The following PMVK variants were observed in gnomAD, a reference collection of about 807,000 sequenced individuals.
The protein encoded by PMVK is phosphomevalonate kinase.
Under a neutral mutation model 19.0 loss-of-function variants are expected in PMVK, and 10 were observed. That is an observed-to-expected ratio of 0.53 (90% CI 0.32 to 0.89). The LOEUF (loss-of-function observed/expected upper bound fraction) is 0.89. Among genes scored for constraint, PMVK ranks in the 40% least tolerant of loss-of-function variants. PMVK has a pLI of 0.03. For missense variants in PMVK, 222 were observed against 251.1 expected (o/e 0.88, Z 0.78); for synonymous variants, 108 against 101.6 (o/e 1.06, Z -0.38).
upstream of PMVK, among the ~76,000 whole-genome samples, chr1:154,941,216 CAGA>C (rs1197103687): frequency 6.6e-6 from 1 of 152,214 alleles, no homozygotes; most frequent in Admixed American, 6.5e-5. Flanking sequence ...CAGGCCCAGC[CAGA>C]AGAACAGGTG....
chr1:154,938,433 T>G (rs1219521048), upstream of PMVK, among the ~76,000 whole-genome samples: 1 of 152,086 alleles, frequency 6.6e-6, no homozygotes, highest in Non-Finnish European at 1.5e-5. Flanking sequence ...CTACTAAAAA[T>G]ACAAAAATTA....
chr1:154,933,557 G>A (rs1306549968), intron 1 of PMVK, among the ~76,000 whole-genome samples: 1 of 126,360 alleles, frequency 7.9e-6, no homozygotes, highest in East Asian at 2.7e-4. Flanking sequence ...GCAATGGCGC[G>A]ATCTCGGCTC....
chr1:154,935,376 G>A (rs1031961035), intron 1 of PMVK, among the ~76,000 whole-genome samples: 20 of 152,158 alleles, frequency 1.3e-4, no homozygotes, highest in Admixed American at 6.5e-5. Flanking sequence ...TTCAAGAGGA[G>A]AGGAGCCCCA....
intron 1 of PMVK, 52 bp from the exon 2 acceptor site, chr1:154,932,467 C>T: frequency 7.4e-7 from 1 of 1,348,808 alleles, no homozygotes; most frequent in Non-Finnish European, 1.0e-6. Context: ...CCAGGAGCTT[C>T]CATGTCCCAG....
At chr1:154,930,772 G>C (rs1215221823) in intron 2 of PMVK, among the ~76,000 whole-genome samples, 1 of 152,018 alleles carries the variant, frequency 6.6e-6, no homozygotes, top group Admixed American at 6.6e-5. Flanking sequence ...TTTCATTTGG[G>C]AAAGAATCCT....
chr1:154,941,098 G>A (rs1045281233), upstream of PMVK, among the ~76,000 whole-genome samples: 5 of 152,236 alleles, frequency 3.3e-5, no homozygotes, highest in Non-Finnish European at 7.3e-5. Context: ...CAGCGGTGGA[G>A]ACCGCCACTC....
upstream of PMVK, chr1:154,936,936 G>A: frequency 2.0e-6 from 1 of 502,814 alleles, no homozygotes; most frequent in Non-Finnish European, 3.7e-6. Flanking sequence ...GCCTCCCCTC[G>A]TGAAGCTCCC....
intron 1 of PMVK, among the ~76,000 whole-genome samples, chr1:154,932,951 A>C (rs1157199400): frequency 6.6e-6 from 1 of 151,988 alleles, no homozygotes; most frequent in Non-Finnish European, 1.5e-5. Flanking sequence ...TCCACCAAAA[A>C]ATTTAAAAAT....
At chr1:154,939,742 C>T (rs1261733940), upstream of PMVK, among the ~76,000 whole-genome samples, 2 of 151,434 alleles carry the variant, frequency 1.3e-5, no homozygotes, top group Non-Finnish European at 2.9e-5. Context: ...GTTAATGATC[C>T]ACCTAGATGA....
chr1:154,931,135 C>T (rs910573579), intron 2 of PMVK, among the ~76,000 whole-genome samples: 3 of 152,158 alleles, frequency 2.0e-5, no homozygotes, highest in African/African-American at 7.2e-5. Flanking sequence ...CTTACAATTC[C>T]TCAGGCTGCC....
In PMVK at chr1:154,925,080, G is replaced by GCCCCCCCCC; in HGVS notation, c.*48_*49insGGGGGGGGG. On this transcript the variant is annotated 3_prime_UTR_variant, in exon 5 of 5. Transcript: ENST00000368467. ...GGGACACCCCCATTTTGCAGAGTCA[G>GCCCCCCCCC]CCCCACCCCCACCTCAGCAGGCCCC... is the stretch of plus-strand genomic sequence containing the variant. 13 of 1,459,198 alleles carry GCCCCCCCCC rather than the reference G, an allele frequency of 8.9e-6. No individual in the cohort carries two copies. Among genetic ancestry groups the GCCCCCCCCC allele is most frequent in the Admixed American group, 7.2e-5 (4 of 55,184 alleles). 90.4% of individuals were successfully genotyped at this position (1,459,198 alleles called of 1,614,324 possible).
At chr1:154,927,786 A>T (rs1004451167) in intron 3 of PMVK, among the ~76,000 whole-genome samples, 1 of 152,028 alleles carries the variant, frequency 6.6e-6, no homozygotes, top group Non-Finnish European at 1.5e-5. Context: ...CCATTCAGTT[A>T]TCCCTTATTT....
At chr1:154,940,595 C>T (rs1348077622), upstream of PMVK, among the ~76,000 whole-genome samples, 1 of 152,216 alleles carries the variant, frequency 6.6e-6, no homozygotes, top group Admixed American at 6.5e-5. Context: ...CCCCATTCTC[C>T]CATCTCTGAA....
intron 1 of PMVK, among the ~76,000 whole-genome samples, chr1:154,934,709 T>G (rs1654448111): frequency 6.6e-6 from 1 of 152,052 alleles, no homozygotes; most frequent in South Asian, 2.1e-4. Context: ...TTCACACACA[T>G]TATCTCATTT....
chr1:154,927,495 C>T (rs1654203263), intron 3 of PMVK, among the ~76,000 whole-genome samples: 1 of 151,482 alleles, frequency 6.6e-6, no homozygotes, highest in African/African-American at 2.4e-5. Flanking sequence ...AGTCCTCCAC[C>T]CGGCCCCTGT....
At chr1:154,928,016 C>T (rs2101967212) in intron 3 of PMVK, among the ~76,000 whole-genome samples, 1 of 152,238 alleles carries the variant, frequency 6.6e-6, no homozygotes, top group Admixed American at 6.5e-5. Flanking sequence ...TTTCATTGCG[C>T]TTTTGCACCA....
Position 154,925,080 on chromosome 1 carries a change from G to GC in PMVK, c.*48dup. On this transcript the variant is annotated 3_prime_UTR_variant, in exon 5 of 5. Coordinates refer to ENST00000368467, the MANE Select transcript of PMVK (RefSeq NM_006556.4). Reference sequence around the variant, plus strand: ...GGGACACCCCCATTTTGCAGAGTCAGCCCCACCCCCACCTCAGCAGGCCCC... The same window carrying GC: ...GGGACACCCCCATTTTGCAGAGTCAGCCCCCACCCCCACCTCAGCAGGCCCC... 8.9e-6 allele frequency: 13 copies of GC among 1,459,202 alleles called. No individual in the cohort carries two copies. Among genetic ancestry groups the GC allele is most frequent in the Admixed American group, 5.4e-5 (3 of 55,186 alleles). The allele number at this position is 1,459,202 out of a possible 1,614,324, so 90.4% of individuals were successfully genotyped here.
At chr1:154,936,280 C>A in intron 1 of PMVK, 1 of 554,508 alleles carries the variant, frequency 1.8e-6, no homozygotes, top group Non-Finnish European at 2.3e-6. Context: ...CGGGGTCTCG[C>A]CATGTTGCCC....
chr1:154,928,637 TG>T (rs1286914875), intron 3 of PMVK, among the ~76,000 whole-genome samples: 4 of 152,060 alleles, frequency 2.6e-5, no homozygotes, highest in Admixed American at 1.3e-4. Flanking sequence ...CCAGGCGTGG[TG>T]GTGGACACCT....
Sources: allele counts gnomAD v4.1 joint callset (sites outside exome capture counted in the v4.1 genomes callset), GRCh38; gene constraint gnomAD v4.1.1; transcripts MANE v1.5; gene names NCBI Gene and HGNC (gene_info 2026-07-23, HGNC 2026-07-21).